The following RBBP6 variants were observed in gnomAD, a reference collection of about 807,000 sequenced individuals.
RBBP6 encodes the protein RB binding protein 6, ubiquitin ligase, also known as E3 ubiquitin-protein ligase RBBP6.
RBBP6 carries 25 observed loss-of-function variants against 167.7 expected under a neutral mutation model. The observed-to-expected ratio is 0.15, with a 90% CI of 0.11 to 0.21. The LOEUF (loss-of-function observed/expected upper bound fraction) is 0.21. RBBP6 is among the 10% of genes least tolerant of loss of function. The pLI is 1.00. For missense variants in RBBP6, 1,868 were observed against 2,134.2 expected (o/e 0.88, Z 2.46); for synonymous variants, 789 against 735.8 (o/e 1.07, Z -1.17).
At chr16:24,568,296 A>G (rs1899241735) in intron 16 of RBBP6, among the ~76,000 whole-genome samples, 1 of 152,246 alleles carries the variant, frequency 6.6e-6, no homozygotes, top group Non-Finnish European at 1.5e-5. Flanking sequence ...CTTTATTGAT[A>G]GAAAAAGTGA....
At chr16:24,546,670 T>C (rs1898661430) in intron 2 of RBBP6, among the ~76,000 whole-genome samples, 1 of 152,202 alleles carries the variant, frequency 6.6e-6, no homozygotes, top group Non-Finnish European at 1.5e-5. Flanking sequence ...TGCTAACATT[T>C]ACTCTTTATC....
At chr16:24,540,874 A>G (rs894029076) in intron 1 of RBBP6, 82 bp downstream of exon 1, 4 of 1,506,166 alleles carry the variant, frequency 2.7e-6, no homozygotes, top group Non-Finnish European at 3.6e-6. Flanking sequence ...GCTAACCGCC[A>G]TTATGTCTCT....
chr16:24,560,736 G>C (rs116958003), intron 8 of RBBP6, among the ~76,000 whole-genome samples: 1 of 152,250 alleles, frequency 6.6e-6, no homozygotes, highest in East Asian at 1.9e-4. Flanking sequence ...TATTTACATA[G>C]CATTTATATT....
At chr16:24,548,751 T>C (rs1055503496) in intron 2 of RBBP6, among the ~76,000 whole-genome samples, 194 bp from the exon 3 acceptor site, 1 of 152,178 alleles carries the variant, frequency 6.6e-6, no homozygotes, top group Non-Finnish European at 1.5e-5. Context: ...ACCACAAATC[T>C]ATCTTAAAAC....
chr16:24,571,395 G>T lies in RBBP6; in HGVS notation c.4329G>T (p.Leu1443=). The change falls in exon 18 of 18, where the codon CTG becomes CTT. Residue 1443 remains leucine, a synonymous_variant. Transcript: ENST00000319715. Reference sequence around the variant, plus strand: ...ATGAACAAGGAAATTTTAAAAGTCTGTCTCAATCTTCCAAAGAGGCTAGAA... The same window carrying T: ...ATGAACAAGGAAATTTTAAAAGTCTTTCTCAATCTTCCAAAGAGGCTAGAA... The part of the protein sequence containing the change: ...RLNEQGNFKS[L]SQSSKEARTS... 1 of 1,613,944 alleles carries T rather than the reference G, an allele frequency of 6.2e-7. No homozygotes were observed. Among genetic ancestry groups the T allele is most frequent in the African/African-American group, 1.3e-5 (1 of 75,034 alleles).
chr16:24,550,045 C>G (rs1379285380), intron 3 of RBBP6, among the ~76,000 whole-genome samples: 1 of 151,884 alleles, frequency 6.6e-6, no homozygotes, highest in East Asian at 1.9e-4. Flanking sequence ...TAATGGTTCT[C>G]TAAACATTTT....
intron 2 of RBBP6, among the ~76,000 whole-genome samples, 192 bp downstream of exon 2, chr16:24,546,454 C>T (rs543116883): frequency 6.6e-6 from 1 of 152,210 alleles, no homozygotes; most frequent in South Asian, 2.1e-4. Context: ...ATTGACTTAG[C>T]CTGTTGTGAG....
Position 24,569,904 on chromosome 16 carries a change from A to T in RBBP6, c.3214A>T (p.Thr1072Ser). The T allele has an allele frequency of 1.9e-6, 3 of 1,610,640 alleles. No individual in the cohort carries two copies. The highest frequency in any genetic ancestry group is 2.5e-6 in the Non-Finnish European group (3 of 1,179,254). ...AKEETPKTDN[T>S]KSSSSSQKDE... ...AGAGGAGACTCCGAAGACTGACAAT[A>T]CTAAATCATCATCTTCCTCTCAGAA... is the stretch of plus-strand genomic sequence containing the variant. The change falls in exon 17 of 18, where the codon ACT becomes TCT. Residue 1072 changes from threonine (T) to serine (S), a missense_variant. This residue lies in a region of RBBP6 where 673 missense variants were observed against 691.5 expected (regional missense o/e 0.97). Transcript: ENST00000319715.
Position 24,563,649 on chromosome 16 carries a change from G to A in RBBP6, c.1505G>A (p.Arg502Gln), listed in dbSNP as rs758762416. 8.7e-6 allele frequency: 14 copies of A among 1,610,718 alleles called. No individual in the cohort carries two copies. The highest frequency in any genetic ancestry group is 8.4e-5 in the Admixed American group (5 of 59,534). The change falls in exon 13 of 18, where the codon CGA (arginine) becomes CAA (glutamine). Residue 502 changes from arginine to glutamine, a missense_variant. Physicochemically the swap from Arg to Gln is conservative, Grantham distance 43. Coordinates refer to ENST00000319715, the MANE Select transcript of RBBP6 (RefSeq NM_006910.5). ...AATACTGCTCGTCCAGGTGGTGGTC[G>A]ACCAGGCTGGGAACAGTGAGTAGAT... The part of the protein sequence containing the change: ...RINTARPGGG[R>Q]PGWEHSNKLG...
Position 24,569,549 on chromosome 16 carries a change from A to T in RBBP6, c.2859A>T (p.Leu953Phe), listed in dbSNP as rs748538218. The change falls in exon 17 of 18, where the codon TTA (leucine) becomes TTT (phenylalanine). Residue 953 changes from leucine to phenylalanine, a missense_variant. Coordinates refer to ENST00000319715, the MANE Select transcript of RBBP6 (RefSeq NM_006910.5). ...GTGAGGGTTTTCTGAACCCAGAGTT[A>T]TTAGAGACTTCTAGGAAATCAAGAG... The part of the protein sequence containing the change: ...EESEGFLNPE[L>F]LETSRKSREP... The T allele has an allele frequency of 6.2e-7, 1 of 1,612,280 alleles. No homozygotes were observed. The highest frequency in any genetic ancestry group is 1.7e-5 in the Admixed American group (1 of 59,534).
chr16:24,553,412 T>C, intron 3 of RBBP6, 101 bp from the exon 4 acceptor site: 1 of 889,302 alleles, frequency 1.1e-6, no homozygotes, highest in Non-Finnish European at 1.8e-6. Context: ...ACTAAGAAAA[T>C]GCCCAATATT....
At position 24,548,975 on chromosome 16, in the gene RBBP6, A is replaced by T. The variant is rs1452853327; in HGVS notation, c.297A>T (p.Thr99=). ...ISRTEPAMAT[T]KAIDDSSASI... ...GAACTGAACCAGCGATGGCAACTACAAAAGCAGTATGTAAAAACACAATCT... is the reference window on the plus strand; with the variant it reads ...GAACTGAACCAGCGATGGCAACTACTAAAGCAGTATGTAAAAACACAATCT... The change falls in exon 3 of 18, where the codon ACA becomes ACT. Residue 99 remains threonine, a synonymous_variant. Coordinates refer to ENST00000319715, the MANE Select transcript of RBBP6 (RefSeq NM_006910.5). 6.2e-7 allele frequency: 1 copy of T among 1,611,430 alleles called. No homozygotes were observed. Among genetic ancestry groups the T allele is most frequent in the South Asian group, 1.1e-5 (1 of 90,730 alleles).
At position 24,561,624 on chromosome 16, in the gene RBBP6, C is replaced by T. The variant is rs1899057936; in HGVS notation, c.860C>T (p.Ala287Val). The T allele has an allele frequency of 6.2e-7, 1 of 1,613,374 alleles. No homozygotes were observed. Among genetic ancestry groups the T allele is most frequent in the African/African-American group, 1.3e-5 (1 of 74,868 alleles). Residue 287 changes from alanine to valine, a missense_variant, in exon 9 of 18, where the codon GCA becomes GTA. By Grantham distance (64) the Ala-to-Val change is moderately conservative. Transcript: ENST00000319715. ...ATCTTATACATAGGTATAAGAACAG[C>T]ACTCCTGGAATCAGATGAGCACACA... ...NSYCDECIRTALLESDEHTCP... is the reference protein window; with the variant it reads ...NSYCDECIRTVLLESDEHTCP...
At position 24,569,098 on chromosome 16, in the gene RBBP6, C is replaced by T. The variant is rs771835600; in HGVS notation, c.2408C>T (p.Pro803Leu). The change falls in exon 17 of 18, where the codon CCA becomes CTA. Residue 803 changes from proline (P) to leucine (L), a missense_variant. Transcript: ENST00000319715. The stretch of plus-strand genomic sequence containing the variant: ...TATTTTAATAGATACAGAGAAGTTC[C>T]ACCACCATATGACATGAAAGCATAT... The part of the protein sequence containing the change: ...REYFNRYREV[P>L]PPYDMKAYYG... 6.2e-7 allele frequency: 1 copy of T among 1,613,798 alleles called. No homozygotes were observed. Among genetic ancestry groups the T allele is most frequent in the Non-Finnish European group, 8.5e-7 (1 of 1,179,884 alleles).
rs934124976 is a variant in RBBP6 at position 24,559,824 on chromosome 16, C to G, written c.847+147C>G. ...CAATGAGCATTAAGTAGTGAGAAGT[C>G]TGTTTTTCTTGCTGTATCTTTTTTA... On this transcript the variant is annotated intron_variant, in intron 8 of 17. Transcript: ENST00000319715. 10 of 638,872 alleles carry G rather than the reference C, an allele frequency of 1.6e-5. No individual in the cohort carries two copies. The Admixed American group carries it at 2.5e-4, about 16-fold the overall frequency. The allele number at this position is 638,872 out of a possible 1,614,324, so 39.6% of individuals were successfully genotyped here. A position where few individuals can be genotyped will look rare whatever the true frequency, so the allele number is the denominator to read the frequency against.
chr16:24,558,726 AT>A (rs1898977761), intron 7 of RBBP6, among the ~76,000 whole-genome samples: 1 of 152,180 alleles, frequency 6.6e-6, no homozygotes, highest in African/African-American at 2.4e-5. Flanking sequence ...TTTTAATACT[AT>A]ATTTAATGCC....
Position 24,571,275 on chromosome 16 carries a change from C to T in RBBP6, c.4209C>T (p.Thr1403=). ...CTGCATCTAGTGAAAAAGGGAAAAC[C>T]AAAGATCGAGATTATTCAGTGTTGG... ...KNSASSEKGK[T]KDRDYSVLEK... Residue 1403 remains threonine, a synonymous_variant, in exon 18 of 18, where the codon ACC becomes ACT. Coordinates refer to ENST00000319715, the MANE Select transcript of RBBP6 (RefSeq NM_006910.5). 6.2e-7 allele frequency: 1 copy of T among 1,612,536 alleles called. No individual in the cohort carries two copies. The highest frequency in any genetic ancestry group is 8.5e-7 in the Non-Finnish European group (1 of 1,179,680).
Position 24,571,646 on chromosome 16 carries a change from G to A in RBBP6, c.4580G>A (p.Gly1527Glu), listed in dbSNP as rs1384587810. The A allele has an allele frequency of 6.2e-7, 1 of 1,613,094 alleles. No homozygotes were observed. Among genetic ancestry groups the A allele is most frequent in the African/African-American group, 1.3e-5 (1 of 74,850 alleles). The change falls in exon 18 of 18, where the codon GGA (glycine) becomes GAA (glutamate). Residue 1527 changes from glycine (G) to glutamate (E), a missense_variant. By Grantham distance (98) the Gly-to-Glu change is moderately conservative. This residue lies in a region of RBBP6 where 591 missense variants were observed against 540.5 expected (regional missense o/e 1.09). Transcript: ENST00000319715. ...AGAGATTTGCCTAAAAAAGGAACAG[G>A]AGATTCCAAAAAAAGTAATTCTAGT... is the stretch of plus-strand genomic sequence containing the variant. ...EERDLPKKGT[G>E]DSKKSNSSPS...
chr16:24,566,101 C>T (rs1175373047), intron 14 of RBBP6, among the ~76,000 whole-genome samples: 1 of 152,142 alleles, frequency 6.6e-6, no homozygotes, highest in African/African-American at 2.4e-5. Flanking sequence ...TCTAGTGCTT[C>T]ATTGCTAAAC....
Sources: allele counts gnomAD v4.1 joint callset (sites outside exome capture counted in the v4.1 genomes callset), GRCh38; gene constraint gnomAD v4.1.1; regional missense constraint gnomAD v4.1.1; transcripts MANE v1.5; gene names NCBI Gene and HGNC (gene_info 2026-07-23, HGNC 2026-07-21).